The following PRMT7 variants were observed in gnomAD, a reference collection of about 807,000 sequenced individuals.
PRMT7 encodes the protein protein arginine N-methyltransferase 7.
In PRMT7, 75 loss-of-function variants were observed where a neutral mutation model predicts 85.4. That is an observed-to-expected ratio of 0.88 (90% CI 0.73 to 1.06). The LOEUF (loss-of-function observed/expected upper bound fraction) is 1.06, where lower values mean the gene tolerates loss of function less well. Among genes scored for constraint, PRMT7 ranks in the 50% least tolerant of loss-of-function variants. PRMT7 has a pLI of 0.00. For missense variants in PRMT7, 868 were observed against 915.2 expected (o/e 0.95, Z 0.67); for synonymous variants, 397 against 359.5 (o/e 1.10, Z -1.18).
chr16:68,343,649 AGGGTTCTC>A (rs1308953728), intron 9 of PRMT7, among the ~76,000 whole-genome samples: 1 of 152,210 alleles, frequency 6.6e-6, no homozygotes, highest in Admixed American at 6.5e-5. Flanking sequence ...GGGTCGGGAA[AGGGTTCTC>A]CTGTCTTCTT....
chr16:68,316,044 A>G lies in PRMT7; in HGVS notation c.65A>G (p.Glu22Gly), dbSNP rs910672785. The G allele has an allele frequency of 1.9e-6, 3 of 1,613,474 alleles. No individual in the cohort carries two copies. Among genetic ancestry groups the G allele is most frequent in the Non-Finnish European group, 2.5e-6 (3 of 1,179,938 alleles). ...TCTGTGGAGTGGCTGGAGGAGGATGAACACTATGATTACCACCAGGAGATT... is the reference window on the plus strand; with the variant it reads ...TCTGTGGAGTGGCTGGAGGAGGATGGACACTATGATTACCACCAGGAGATT... ...TGSVEWLEED[E>G]HYDYHQEIAR... The change falls in exon 3 of 19, where the codon GAA becomes GGA. Residue 22 changes from glutamate (E) to glycine (G), a missense_variant. Coordinates refer to ENST00000441236, the MANE Select transcript of PRMT7 (RefSeq NM_019023.5).
At position 68,357,130 on chromosome 16, in the gene PRMT7, TG is replaced by T; in HGVS notation, c.1988del (p.Gly663ValfsTer34). The T allele has an allele frequency of 6.2e-7, 1 of 1,614,004 alleles. No individual in the cohort carries two copies. Among genetic ancestry groups the T allele is most frequent in the Non-Finnish European group, 8.5e-7 (1 of 1,180,028 alleles). ...FSPAPDPRAL[L>X]GGPRTVSYAV... ...CCTGCCCCAGATCCCAGAGCACTGC[TG>T]GGTGGCCCACGGACTGTCAGCTATG... is the stretch of plus-strand genomic sequence containing the variant. On this transcript the variant is annotated frameshift_variant, in exon 19 of 19. Transcript: ENST00000441236. LOFTEE classifies it low-confidence loss of function (END_TRUNC).
intron 3 of PRMT7, among the ~76,000 whole-genome samples, chr16:68,320,044 T>A (rs1285870494): frequency 6.6e-6 from 1 of 152,088 alleles, no homozygotes; most frequent in Non-Finnish European, 1.5e-5. Context: ...ACATATACAG[T>A]GGGTGTATGT....
intron 2 of PRMT7, 46 bp downstream of exon 2, chr16:68,312,222 TATATATA>T (rs1272244330): frequency 4.8e-5 from 2 of 41,834 alleles, no homozygotes; most frequent in African/African-American, 1.3e-4. Context: ...TATATATATA[TATATATA>T]TTTTTTTTTT....
chr16:68,344,615 T>C (rs189803269), intron 9 of PRMT7, among the ~76,000 whole-genome samples: 170 of 152,296 alleles, frequency 1.1e-3, no homozygotes, highest in Non-Finnish European at 1.8e-3. Context: ...TTTTTTTCTT[T>C]TGGGGTTTTC....
Position 68,352,242 on chromosome 16 carries a change from C to G in PRMT7, c.1414-6C>G. 1 of 1,612,628 alleles carries G rather than the reference C, an allele frequency of 6.2e-7. No individual in the cohort carries two copies. The highest frequency in any genetic ancestry group is 8.5e-7 in the Non-Finnish European group (1 of 1,179,708). ...ACCTGGGCCCTGCTTCTCGCCCATT[C>G]ACCAGGTCTCTCTCCTCCTGGGCGA... On this transcript the variant is annotated splice_polypyrimidine_tract_variant and splice_region_variant and intron_variant, in intron 14 of 18. Coordinates refer to ENST00000441236, the MANE Select transcript of PRMT7 (RefSeq NM_019023.5).
intron 7 of PRMT7, among the ~76,000 whole-genome samples, chr16:68,338,791 G>C (rs1022552102): frequency 2.0e-5 from 3 of 152,164 alleles, no homozygotes; most frequent in Non-Finnish European, 2.9e-5. Context: ...TGCTCTTGCC[G>C]GGTCCCTATT....
Position 68,357,478 on chromosome 16 carries a change from T to G in PRMT7, c.*254T>G. ...GGGAAGACCCCCCTGCTTGTGCTTC[T>G]GAGGTGCTGAGAATGCTCCAACACA... On this transcript the variant is annotated 3_prime_UTR_variant, in exon 19 of 19. Coordinates refer to ENST00000441236, the MANE Select transcript of PRMT7 (RefSeq NM_019023.5). 2.1e-6 allele frequency: 1 copy of G among 472,650 alleles called. No individual in the cohort carries two copies. Among genetic ancestry groups the G allele is most frequent in the Non-Finnish European group, 3.7e-6 (1 of 267,536 alleles). The allele number at this position is 472,650 out of a possible 1,614,324, so 29.3% of individuals were successfully genotyped here.
chr16:68,321,869 C>T (rs2082537398), intron 4 of PRMT7, among the ~76,000 whole-genome samples: 1 of 152,144 alleles, frequency 6.6e-6, no homozygotes, highest in African/African-American at 2.4e-5. Context: ...AGCAGATCTC[C>T]ACAACTTATT....
intron 9 of PRMT7, 111 bp from the exon 10 acceptor site, chr16:68,345,564 T>C: frequency 6.8e-7 from 1 of 1,480,728 alleles, no homozygotes; most frequent in Non-Finnish European, 9.2e-7. Flanking sequence ...CCAGCTGTAG[T>C]CTACATTGTG....
chr16:68,322,496 C>A, intron 4 of PRMT7: 1 of 408,560 alleles, frequency 2.4e-6, no homozygotes, highest in Non-Finnish European at 5.0e-6. Flanking sequence ...CTGCGCCCGG[C>A]CATCGTGTGC....
intron 14 of PRMT7, among the ~76,000 whole-genome samples, chr16:68,348,965 C>G (rs778534061): frequency 1.9e-4 from 29 of 152,104 alleles, no homozygotes; most frequent in Non-Finnish European, 3.8e-4. Context: ...AGCCTCATCT[C>G]TGCTCCTTCA....
intron 14 of PRMT7, among the ~76,000 whole-genome samples, chr16:68,350,593 T>C (rs61593058): frequency 0.22 from 33,938 of 152,154 alleles, 4,577 homozygotes; most frequent in African/African-American, 0.37. Flanking sequence ...TTTAAAAAAA[T>C]AACAGTTTTA....
rs2085194609 is a variant in PRMT7, at chr16:68,339,475, C to T, written c.658C>T (p.Pro220Ser). ...CCCTCCCGTTGACGTGGAGAGCTGC[C>T]CTGGCGCACCCTCTGTCTGTGACAT... Reference protein sequence around the residue: ...IVPPVDVESCPGAPSVCDIQL... With the variant: ...IVPPVDVESCSGAPSVCDIQL... Residue 220 changes from proline (P) to serine (S), a missense_variant, in exon 8 of 19, where the codon CCT becomes TCT. Pro to Ser is a moderately conservative substitution (Grantham distance 74). Transcript: ENST00000441236. The T allele has an allele frequency of 6.2e-7, 1 of 1,614,084 alleles. No homozygotes were observed. The highest frequency in any genetic ancestry group is 1.7e-5 in the Admixed American group (1 of 60,004).
chr16:68,355,625 C>T, intron 16 of PRMT7, 98 bp from the exon 17 acceptor site: 1 of 1,290,984 alleles, frequency 7.7e-7, no homozygotes, highest in South Asian at 1.7e-5. Context: ...AACGCACACC[C>T]CTTGTGACTG....
chr16:68,315,112 TAAAAAAA>T (rs546048316), intron 2 of PRMT7: 1 of 137,692 alleles, frequency 7.3e-6, no homozygotes, highest in Non-Finnish European at 1.6e-5. Flanking sequence ...CCCCATCTTT[TAAAAAAA>T]AAAAAAAAGA....
chr16:68,321,462 A>T lies in PRMT7; in HGVS notation c.132A>T (p.Arg44Ser). ...CAGATATGCTACATGACAAAGACAGAGTAAGTGTAAAAGGAAACTATTATC... is the reference window on the plus strand; with the variant it reads ...CAGATATGCTACATGACAAAGACAGTGTAAGTGTAAAAGGAAACTATTATC... ...SYADMLHDKDRNVKYYQGIRA... is the reference protein window; with the variant it reads ...SYADMLHDKDSNVKYYQGIRA... The change falls in exon 4 of 19, where the codon AGA becomes AGT. Residue 44 changes from arginine to serine, a missense_variant and splice_region_variant. Transcript: ENST00000441236. 6.2e-7 allele frequency: 1 copy of T among 1,607,672 alleles called. No homozygotes were observed. The highest frequency in any genetic ancestry group is 8.5e-7 in the Non-Finnish European group (1 of 1,175,750).
intron 6 of PRMT7, 98 bp downstream of exon 6, chr16:68,329,272 A>G: frequency 1.1e-6 from 1 of 878,798 alleles, no homozygotes; most frequent in African/African-American, 1.7e-5. Flanking sequence ...AGGTCATAGC[A>G]TAGAAGTGGG....
At position 68,357,019 on chromosome 16, in the gene PRMT7, G is replaced by T. The variant is rs374306301; in HGVS notation, c.1909-35G>T. ...CTAGGAAGGAGGCTCAGGTGCCAGG[G>T]AGCCCTCACCATCTTCCTGCTCTTC... On this transcript the variant is annotated intron_variant, in intron 18 of 18. Transcript: ENST00000441236. 8 of 1,570,836 alleles carry T rather than the reference G, an allele frequency of 5.1e-6. No homozygotes were observed. In the African/African-American group the frequency reaches 1.1e-4, roughly 21 times the overall value.
Sources: allele counts gnomAD v4.1 joint callset (sites outside exome capture counted in the v4.1 genomes callset), GRCh38; gene constraint gnomAD v4.1.1; transcripts MANE v1.5; gene names NCBI Gene and HGNC (gene_info 2026-07-23, HGNC 2026-07-21).